The following SYT9 variants were observed in gnomAD, a reference collection of about 807,000 sequenced individuals.
SYT9 encodes the protein synaptotagmin 9, also known as synaptotagmin-9.
SYT9 carries 22 observed loss-of-function variants against 48.4 expected under a neutral mutation model. The ratio of observed to expected loss-of-function variants is 0.45; its 90% CI spans 0.32 to 0.65. The LOEUF is 0.65. SYT9 is among the 30% of genes least tolerant of loss of function. The pLI is 0.03. For synonymous variants in SYT9, 265 were observed against 245.0 expected (o/e 1.08, Z -0.76); for missense variants, 577 against 622.0 (o/e 0.93, Z 0.77).
At chr11:7,436,742 G>A (rs772208767) in intron 6 of SYT9, among the ~76,000 whole-genome samples, 4 of 152,196 alleles carry the variant, frequency 2.6e-5, no homozygotes, top group Non-Finnish European at 5.9e-5. Flanking sequence ...ACAAATTGAG[G>A]AGAGCAAAAT....
intron 3 of SYT9, among the ~76,000 whole-genome samples, chr11:7,381,329 G>A (rs1850560085): frequency 1.3e-5 from 2 of 152,132 alleles, no homozygotes; most frequent in African/African-American, 4.8e-5. Context: ...TGATTTTTAG[G>A]GGTTCAGAAA....
intron 3 of SYT9, among the ~76,000 whole-genome samples, chr11:7,317,295 A>G (rs1425301071): frequency 6.6e-6 from 1 of 152,202 alleles, no homozygotes; most frequent in Non-Finnish European, 1.5e-5. Flanking sequence ...TTATATAGGC[A>G]TCATATATCA....
intron 3 of SYT9, among the ~76,000 whole-genome samples, chr11:7,385,632 T>G (rs1850644199): frequency 6.6e-6 from 1 of 152,052 alleles, no homozygotes; most frequent in Non-Finnish European, 1.5e-5. Context: ...AACCTGCACA[T>G]GTACCCCTGA....
intron 1 of SYT9, among the ~76,000 whole-genome samples, chr11:7,271,577 T>A (rs904712671): frequency 1.3e-5 from 2 of 152,120 alleles, no homozygotes; most frequent in African/African-American, 4.8e-5. Flanking sequence ...TTTTTTGTTT[T>A]GTTTTGTTTT....
rs377241119 is a variant in SYT9 at position 7,468,090 on chromosome 11, G to A, written c.*1290G>A. 2.5e-6 allele frequency: 1 copy of A among 392,272 alleles called. No homozygotes were observed. The highest frequency in any genetic ancestry group is 4.5e-6 in the Non-Finnish European group (1 of 222,340). 24.3% of individuals were successfully genotyped at this position (392,272 alleles called of 1,614,324 possible). On this transcript the variant is annotated 3_prime_UTR_variant, in exon 7 of 7. Coordinates refer to ENST00000318881, the MANE Select transcript of SYT9 (RefSeq NM_175733.4). ...CTCTCTGTCCCATTATAGGTGCAAG[G>A]CACCCCATCCACACATTTGCACCAC... is the stretch of plus-strand genomic sequence containing the variant.
intron 3 of SYT9, among the ~76,000 whole-genome samples, chr11:7,343,286 A>G (rs1018771426): frequency 6.6e-6 from 1 of 152,222 alleles, no homozygotes; most frequent in African/African-American, 2.4e-5. Flanking sequence ...CAAATTTTCC[A>G]AACTTTTATG....
At chr11:7,293,015 G>T (rs1001521669) in intron 1 of SYT9, among the ~76,000 whole-genome samples, 1 of 152,166 alleles carries the variant, frequency 6.6e-6, no homozygotes, top group Non-Finnish European at 1.5e-5. Context: ...ATGGCTCCAG[G>T]CTGTCAGTGT....
At chr11:7,407,125 C>T (rs1355098277) in intron 3 of SYT9, among the ~76,000 whole-genome samples, 2 of 152,038 alleles carry the variant, frequency 1.3e-5, no homozygotes, top group Admixed American at 6.6e-5. Flanking sequence ...GAGTAGTTTG[C>T]AAGTATTTTC....
intron 1 of SYT9, among the ~76,000 whole-genome samples, chr11:7,279,317 A>AT (rs779039835): frequency 1.3e-3 from 192 of 152,282 alleles, no homozygotes; most frequent in Middle Eastern, 3.4e-3. Flanking sequence ...CTTCAGCAAT[A>AT]TTTTTATTGG....
chr11:7,370,179 T>G (rs1850336921), intron 3 of SYT9, among the ~76,000 whole-genome samples: 1 of 152,170 alleles, frequency 6.6e-6, no homozygotes, highest in Non-Finnish European at 1.5e-5. Flanking sequence ...GTTACTTTAC[T>G]TAGAATGATA....
At chr11:7,304,611 T>C (rs1849000220) in intron 2 of SYT9, among the ~76,000 whole-genome samples, 2 of 152,246 alleles carry the variant, frequency 1.3e-5, no homozygotes, top group African/African-American at 2.4e-5. Context: ...GTTTCTAATT[T>C]GATTGTTTCA....
chr11:7,288,289 T>TAAA (rs9300083), intron 1 of SYT9, among the ~76,000 whole-genome samples: 330 of 148,868 alleles, frequency 2.2e-3, no homozygotes, highest in East Asian at 6.3e-3. Context: ...TATGTATTTG[T>TAAA]AAAAAAAAAA....
intron 1 of SYT9, among the ~76,000 whole-genome samples, chr11:7,294,680 C>A (rs1848761766): frequency 6.6e-6 from 1 of 152,226 alleles, no homozygotes; most frequent in Non-Finnish European, 1.5e-5. Flanking sequence ...CCCAGGCTCA[C>A]TGGGACTGAG....
At chr11:7,307,429 G>A (rs2133943621) in intron 2 of SYT9, among the ~76,000 whole-genome samples, 1 of 152,268 alleles carries the variant, frequency 6.6e-6, no homozygotes, top group South Asian at 2.1e-4. Context: ...ACTTCCACGA[G>A]ACCCCGAAAT....
chr11:7,355,574 A>G (rs1850006139), intron 3 of SYT9, among the ~76,000 whole-genome samples: 1 of 152,208 alleles, frequency 6.6e-6, no homozygotes, highest in African/African-American at 2.4e-5. Context: ...TTCTTCCATA[A>G]GCTTCTACTG....
chr11:7,383,656 C>T (rs942218799), intron 3 of SYT9, among the ~76,000 whole-genome samples: 3 of 139,588 alleles, frequency 2.1e-5, no homozygotes, highest in African/African-American at 7.4e-5. Flanking sequence ...GTATTTACTG[C>T]ATAAAGACAT....
intron 1 of SYT9, among the ~76,000 whole-genome samples, chr11:7,279,685 A>G (rs1316233371): frequency 6.6e-6 from 1 of 152,246 alleles, no homozygotes; most frequent in Non-Finnish European, 1.5e-5. Context: ...TACCAAGCAC[A>G]TATAAATTTT....
chr11:7,331,196 A>G (rs1160220973), intron 3 of SYT9, among the ~76,000 whole-genome samples: 1 of 90,834 alleles, frequency 1.1e-5, no homozygotes, highest in Non-Finnish European at 2.3e-5. Context: ...ATAAAACATT[A>G]AAAAATGTGC....
At chr11:7,366,920 T>C (rs964953287) in intron 3 of SYT9, among the ~76,000 whole-genome samples, 1 of 151,888 alleles carries the variant, frequency 6.6e-6, no homozygotes, top group Non-Finnish European at 1.5e-5. Flanking sequence ...TAATATATTA[T>C]AAATTTTTGT....
Sources: gnomAD v4.1 joint callset for allele counts (sites outside exome capture counted in the v4.1 genomes callset) on GRCh38, gnomAD v4.1.1 for gene constraint, MANE v1.5 for transcripts, NCBI Gene and HGNC (gene_info 2026-07-23, HGNC 2026-07-21) for gene names.